SORT1: variants seen among roughly 807,000 people sequenced by gnomAD.
The protein encoded by SORT1 is sortilin 1.
A neutral mutation model predicts 101.7 loss-of-function variants in SORT1; 39 were observed. The observed-to-expected ratio is 0.38, with a 90% CI of 0.30 to 0.50. The LOEUF (loss-of-function observed/expected upper bound fraction) is 0.50, where lower values mean the gene tolerates loss of function less well. Among genes scored for constraint, SORT1 ranks in the 20% least tolerant of loss-of-function variants. SORT1 has a pLI of 0.90. For missense variants in SORT1, 878 were observed against 1,040.4 expected, an observed-to-expected ratio of 0.84 and a Z score of 2.15; for synonymous variants, 396 against 393.7, an observed-to-expected ratio of 1.01 and a Z score of -0.07.
chr1:109,332,838 G>T (rs1200571954), intron 11 of SORT1, among the ~76,000 whole-genome samples: 2 of 152,200 alleles, frequency 1.3e-5, no homozygotes, highest in African/African-American at 4.8e-5. Flanking sequence ...TTTGACAAGG[G>T]TGTCAAGAAC....
intron 15 of SORT1, among the ~76,000 whole-genome samples, chr1:109,320,423 C>G (rs1365605169): frequency 6.6e-6 from 1 of 152,100 alleles, no homozygotes; most frequent in African/African-American, 2.4e-5. Context: ...TGAGGATCCT[C>G]CTTCTGGGCC....
At chr1:109,341,752 T>C (rs1343118441) in intron 9 of SORT1, among the ~76,000 whole-genome samples, 1 of 152,220 alleles carries the variant, frequency 6.6e-6, no homozygotes, top group Non-Finnish European at 1.5e-5. Context: ...TGTACTTATC[T>C]GGTAACAGAT....
At chr1:109,352,885 G>C (rs1570939410) in intron 5 of SORT1, among the ~76,000 whole-genome samples, 1 of 152,172 alleles carries the variant, frequency 6.6e-6, no homozygotes. Context: ...AGTAGTCAAA[G>C]GGGAGCTCTA....
intron 16 of SORT1, 33 bp from the exon 17 acceptor site, chr1:109,316,991 T>TA: frequency 1.5e-6 from 2 of 1,354,598 alleles, no homozygotes; most frequent in South Asian, 2.5e-5. Flanking sequence ...TAACAGAAGA[T>TA]AAGGATGTAT....
intron 6 of SORT1, 55 bp from the exon 7 acceptor site, chr1:109,347,587 T>G: frequency 7.9e-7 from 1 of 1,264,590 alleles, no homozygotes; most frequent in East Asian, 2.3e-5. Flanking sequence ...TGAAGGACTG[T>G]GTTGACCTTA....
chr1:109,350,399 C>A (rs1307013802), intron 6 of SORT1, among the ~76,000 whole-genome samples: 1 of 152,174 alleles, frequency 6.6e-6, no homozygotes, highest in Non-Finnish European at 1.5e-5. Context: ...CAAGTAAGAG[C>A]TCCCTCCACT....
Position 109,313,016 on chromosome 1 carries a change from C to T in SORT1, c.*1027G>A, listed in dbSNP as rs993541190. On this transcript the variant is annotated 3_prime_UTR_variant, in exon 20 of 20. Coordinates refer to ENST00000256637, the MANE Select transcript of SORT1 (RefSeq NM_002959.7). ...GTCCTGGTTCCATGTACAACAGCAACCTAAGAAGCAGCAGATAGGCAGCCA... is the reference window on the plus strand; with the variant it reads ...GTCCTGGTTCCATGTACAACAGCAATCTAAGAAGCAGCAGATAGGCAGCCA... 2.6e-5 allele frequency: 4 copies of T among 152,104 alleles called. No individual in the cohort carries two copies. Among genetic ancestry groups the T allele is most frequent in the Admixed American group, 2.6e-4 (4 of 15,276 alleles). 9.4% of individuals were successfully genotyped at this position (152,104 alleles called of 1,614,324 possible). A position where few individuals can be genotyped will look rare whatever the true frequency, so the allele number is the denominator to read the frequency against.
At chr1:109,351,288 A>C (rs1298888688) in intron 5 of SORT1, among the ~76,000 whole-genome samples, 1 of 152,202 alleles carries the variant, frequency 6.6e-6, no homozygotes, top group Non-Finnish European at 1.5e-5. Context: ...CCCTGCTGAG[A>C]GAAGGGGCTC....
chr1:109,325,076 C>T lies in SORT1; in HGVS notation c.1657G>A (p.Glu553Lys), dbSNP rs1412896515. The change falls in exon 14 of 20, where the codon GAA becomes AAA. Residue 553 changes from glutamate (E) to lysine (K), a missense_variant. Physicochemically the swap from Glu to Lys is moderately conservative, Grantham distance 56. Around this residue, in one of 2 missense-constraint regions of SORT1, gnomAD observed 684 missense variants for 894.5 expected, o/e 0.76. Coordinates refer to ENST00000256637, the MANE Select transcript of SORT1 (RefSeq NM_002959.7). ...PINVIKFSTDEGQCWQTYTFT... is the reference protein window; with the variant it reads ...PINVIKFSTDKGQCWQTYTFT... Reference sequence around the variant, plus strand: ...GTGTAGGTTTGCCAGCATTGACCTTCGTCTGTGGAGAACCTGAAACCACAA... The same window carrying T: ...GTGTAGGTTTGCCAGCATTGACCTTTGTCTGTGGAGAACCTGAAACCACAA... 3.1e-6 allele frequency: 5 copies of T among 1,609,402 alleles called. No individual in the cohort carries two copies. Among genetic ancestry groups the T allele is most frequent in the Admixed American group, 3.4e-5 (2 of 59,680 alleles).
intron 14 of SORT1, among the ~76,000 whole-genome samples, chr1:109,324,303 A>G (rs1245905380): frequency 2.0e-5 from 3 of 152,012 alleles, no homozygotes; most frequent in East Asian, 1.9e-4. Flanking sequence ...TTACCTGGCT[A>G]ATTTTTCTAT....
In SORT1 at chr1:109,327,525, T is replaced by C. The variant is rs1440835760; in HGVS notation, c.1448A>G (p.Asn483Ser). Residue 483 changes from asparagine to serine, a missense_variant, in exon 12 of 20, where the codon AAT (asparagine) becomes AGT (serine). This residue lies in a region of SORT1 where 684 missense variants were observed against 894.5 expected (regional missense o/e 0.76). Coordinates refer to ENST00000256637, the MANE Select transcript of SORT1 (RefSeq NM_002959.7). ...NVPMAPLSEP[N>S]AVGIVIAHGS... ...ATGAGCAATGACAATGCCTACGGCA[T>C]TCGGCTCTGAGAGTGGGGCCATTGG... 1 of 1,610,836 alleles carries C rather than the reference T, an allele frequency of 6.2e-7. No homozygotes were observed. Among genetic ancestry groups the C allele is most frequent in the Non-Finnish European group, 8.5e-7 (1 of 1,178,658 alleles).
At chr1:109,332,883 G>A (rs1570909533) in intron 11 of SORT1, among the ~76,000 whole-genome samples, 1 of 152,130 alleles carries the variant, frequency 6.6e-6, no homozygotes, top group African/African-American at 2.4e-5. Flanking sequence ...TTAAATAAAC[G>A]GTGCTGGGAA....
At chr1:109,328,514 T>C (rs1648236506) in intron 11 of SORT1, among the ~76,000 whole-genome samples, 1 of 152,224 alleles carries the variant, frequency 6.6e-6, no homozygotes, top group Admixed American at 6.5e-5. Context: ...TGTTAGTCAC[T>C]TCTATATTGT....
chr1:109,328,837 C>T (rs559418852), intron 11 of SORT1, among the ~76,000 whole-genome samples: 1 of 152,286 alleles, frequency 6.6e-6, no homozygotes, highest in South Asian at 2.1e-4. Context: ...TTAAAGGCTC[C>T]AGGTCCACTC....
rs141418182 is a variant in SORT1, at chr1:109,334,680, A to G, written c.1371+1560T>C. On this transcript the variant is annotated intron_variant, in intron 11 of 19. Coordinates refer to ENST00000256637, the MANE Select transcript of SORT1 (RefSeq NM_002959.7). ...AGAATAGATCCTAAATGTTCTCACC[A>G]CACACACAAAAGATAATTGTGAGGT... 2.6e-5 allele frequency among the ~76,000 whole-genome samples: 4 copies of G among 152,312 alleles called. No individual in the cohort carries two copies. The East Asian group carries it at 7.7e-4, about 29-fold the overall frequency.
At chr1:109,371,528 T>C (rs1486572604) in intron 1 of SORT1, among the ~76,000 whole-genome samples, 2 of 152,234 alleles carry the variant, frequency 1.3e-5, no homozygotes, top group African/African-American at 4.8e-5. Flanking sequence ...CTGGAATTCG[T>C]GGTTGTCTTC....
Position 109,313,989 on chromosome 1 carries a change from T to C in SORT1, c.*54A>G. 1.3e-6 allele frequency: 2 copies of C among 1,552,866 alleles called. No individual in the cohort carries two copies. The highest frequency in any genetic ancestry group is 1.1e-5 in the South Asian group (1 of 89,656). On this transcript the variant is annotated 3_prime_UTR_variant, in exon 20 of 20. Transcript: ENST00000256637. Reference sequence around the variant, plus strand: ...TTCCTGAAGTTGGAGCCACAGGGAGTGTAAGAGGTACTGTGGTTCCACCAT... The same window carrying C: ...TTCCTGAAGTTGGAGCCACAGGGAGCGTAAGAGGTACTGTGGTTCCACCAT...
At chr1:109,351,965 G>GGGGGGTGTGTGTGTGTGTGT (rs932648162) in intron 5 of SORT1, among the ~76,000 whole-genome samples, 1 of 147,412 alleles carries the variant, frequency 6.8e-6, no homozygotes, top group African/African-American at 2.5e-5. Context: ...GAGAGGTAGG[G>GGGGGGTGTGTGTGTGTGTGT]GTGTGTGTGT....
intron 11 of SORT1, among the ~76,000 whole-genome samples, chr1:109,333,625 A>G (rs958282140): frequency 7.2e-5 from 11 of 152,176 alleles, no homozygotes; most frequent in African/African-American, 2.7e-4. Context: ...AGACATATAA[A>G]TGGCCAACAG....
Sources: gnomAD v4.1 joint callset for allele counts (sites outside exome capture counted in the v4.1 genomes callset) on GRCh38, gnomAD v4.1.1 for gene constraint, gnomAD v4.1.1 regional missense constraint, MANE v1.5 for transcripts, NCBI Gene and HGNC (gene_info 2026-07-23, HGNC 2026-07-21) for gene names.